The following TOX3 variants were observed in gnomAD, a reference collection of about 807,000 sequenced individuals.
TOX3 encodes the protein TOX high mobility group box family member 3.
Under a neutral mutation model 64.3 loss-of-function variants are expected in TOX3, and 22 were observed. That is an observed-to-expected ratio of 0.34 (90% CI 0.24 to 0.49). The LOEUF (loss-of-function observed/expected upper bound fraction) is 0.49, where lower values mean the gene tolerates loss of function less well. TOX3 is among the 20% of genes least tolerant of loss of function. TOX3 has a pLI of 0.99. For synonymous variants in TOX3, 291 were observed against 273.6 expected, an observed-to-expected ratio of 1.06 and a Z score of -0.63; for missense variants, 661 against 714.4, an observed-to-expected ratio of 0.93 and a Z score of 0.85.
chr16:52,473,396 T>G (rs1246668731), intron 1 of TOX3, among the ~76,000 whole-genome samples: 1 of 152,222 alleles, frequency 6.6e-6, no homozygotes. Flanking sequence ...GAATTCTCTT[T>G]TCTTTTTCCC....
At chr16:52,536,366 T>G (rs1962943764) in intron 1 of TOX3, among the ~76,000 whole-genome samples, 6 of 151,540 alleles carry the variant, frequency 4.0e-5, no homozygotes, top group Admixed American at 3.9e-4. Context: ...ACATAGGTGC[T>G]GAGAAGAGGC....
chr16:52,519,590 G>GA (rs1009296956), intron 1 of TOX3: 20,973 of 1,121,076 alleles, frequency 0.019, 4 homozygotes, highest in East Asian at 0.054. Context: ...CTGAGCAGAC[G>GA]AAAAAAAAAA....
chr16:52,531,821 C>T (rs941137040), intron 1 of TOX3, among the ~76,000 whole-genome samples: 6 of 152,012 alleles, frequency 3.9e-5, no homozygotes, highest in Non-Finnish European at 7.4e-5. Flanking sequence ...GAAAAGATGA[C>T]AAGCAGGGAG....
At chr16:52,518,497 G>A (rs773911391) in intron 1 of TOX3, among the ~76,000 whole-genome samples, 18 of 152,102 alleles carry the variant, frequency 1.2e-4, no homozygotes, top group South Asian at 2.1e-4. Flanking sequence ...AGATTAATGC[G>A]TTCAAAGCCG....
intron 1 of TOX3, among the ~76,000 whole-genome samples, chr16:52,483,103 T>A (rs1423322253): frequency 6.6e-6 from 1 of 152,190 alleles, no homozygotes; most frequent in Non-Finnish European, 1.5e-5. Flanking sequence ...CTGTGCTAAA[T>A]ACTCCAGACC....
chr16:52,498,259 A>C (rs1008921222), intron 1 of TOX3, among the ~76,000 whole-genome samples: 1 of 152,202 alleles, frequency 6.6e-6, no homozygotes, highest in Admixed American at 6.5e-5. Flanking sequence ...CTGTATTTCA[A>C]CTGAATAGGA....
rs574960667 is a variant in TOX3, at chr16:52,507,082, C to A, written c.88-38508G>T. On this transcript the variant is annotated intron_variant, in intron 1 of 6. Transcript: ENST00000219746. ...AAATGTTCGGCACTTCACTTCTCAA[C>A]TGGGGTACATGTACACCTAAGACCT... Among the ~76,000 whole-genome samples, 6 of 152,302 alleles carry A rather than the reference C, an allele frequency of 3.9e-5. No homozygotes were observed. In the South Asian group the frequency reaches 1.2e-3, roughly 32 times the overall value.
intron 1 of TOX3, among the ~76,000 whole-genome samples, chr16:52,505,626 C>G (rs1475044633): frequency 6.6e-6 from 1 of 152,134 alleles, no homozygotes; most frequent in Non-Finnish European, 1.5e-5. Context: ...CCAAAAACTA[C>G]AAAATGTCAA....
At chr16:52,475,196 A>C (rs1301300338) in intron 1 of TOX3, among the ~76,000 whole-genome samples, 1 of 152,222 alleles carries the variant, frequency 6.6e-6, no homozygotes. Context: ...TAGAATATAA[A>C]TTCAATAAAG....
intron 1 of TOX3, among the ~76,000 whole-genome samples, chr16:52,489,972 T>G (rs1238950936): frequency 3.3e-5 from 5 of 152,168 alleles, no homozygotes; most frequent in Non-Finnish European, 5.9e-5. Context: ...AAACCCATCC[T>G]CCACACTGCA....
At chr16:52,525,825 G>A (rs572067692) in intron 1 of TOX3, among the ~76,000 whole-genome samples, 51 of 152,226 alleles carry the variant, frequency 3.4e-4, no homozygotes, top group Middle Eastern at 6.8e-3. Context: ...AAAGGAAAAC[G>A]ATTAGGAAAA....
intron 1 of TOX3, among the ~76,000 whole-genome samples, chr16:52,501,859 T>C (rs982996797): frequency 1.3e-5 from 2 of 152,190 alleles, no homozygotes; most frequent in Admixed American, 6.5e-5. Context: ...TGTCAACAAG[T>C]AAAGTTCCTT....
At chr16:52,546,579 C>A (rs1197647623) in intron 1 of TOX3, 58 bp downstream of exon 1, 109 of 1,480,526 alleles carry the variant, frequency 7.4e-5, no homozygotes, top group Non-Finnish European at 9.4e-5. Flanking sequence ...GAGCGCGGGG[C>A]GCGCCCAGGA....
intron 1 of TOX3, among the ~76,000 whole-genome samples, chr16:52,482,467 T>C (rs1567328043): frequency 6.6e-6 from 1 of 152,108 alleles, no homozygotes; most frequent in Non-Finnish European, 1.5e-5. Flanking sequence ...TTATATCAAG[T>C]TGTAAATGCA....
At chr16:52,527,179 A>T (rs1268558767) in intron 1 of TOX3, among the ~76,000 whole-genome samples, 1 of 152,224 alleles carries the variant, frequency 6.6e-6, no homozygotes, top group Non-Finnish European at 1.5e-5. Context: ...AAATAAAAAA[A>T]TAAAAAAGTA....
chr16:52,546,030 C>A (rs975811526), intron 1 of TOX3, among the ~76,000 whole-genome samples: 4 of 152,196 alleles, frequency 2.6e-5, no homozygotes, highest in East Asian at 3.9e-4. Flanking sequence ...TTACTCTAAG[C>A]GGGGAGGGGC....
At chr16:52,539,627 T>A (rs1963032475) in intron 1 of TOX3, among the ~76,000 whole-genome samples, 1 of 152,208 alleles carries the variant, frequency 6.6e-6, no homozygotes, top group Non-Finnish European at 1.5e-5. Flanking sequence ...CAAATTCATT[T>A]CATTCATCTG....
intron 1 of TOX3, among the ~76,000 whole-genome samples, chr16:52,505,764 C>T (rs1021032599): frequency 6.6e-6 from 1 of 152,182 alleles, no homozygotes; most frequent in Non-Finnish European, 1.5e-5. Flanking sequence ...ATCACTTAAG[C>T]CCAGCAGTTC....
intron 1 of TOX3, among the ~76,000 whole-genome samples, chr16:52,536,676 T>TATATATAC (rs1555488494): frequency 5.1e-5 from 4 of 78,386 alleles, no homozygotes; most frequent in African/African-American, 1.8e-4. Context: ...TATATATATA[T>TATATATAC]ACATGTGTAT....
Sources: gnomAD v4.1 joint callset for allele counts (sites outside exome capture counted in the v4.1 genomes callset) on GRCh38, gnomAD v4.1.1 for gene constraint, MANE v1.5 for transcripts, NCBI Gene and HGNC (gene_info 2026-07-23, HGNC 2026-07-21) for gene names.